Variants in MAG observed in about 807,000 individuals in gnomAD.
MAG encodes the protein myelin-associated glycoprotein.
In MAG, 30 loss-of-function variants were observed where a neutral mutation model predicts 60.7. That is an observed-to-expected ratio of 0.49 (90% CI 0.37 to 0.67). The LOEUF (loss-of-function observed/expected upper bound fraction) is 0.67. MAG is among the 30% of genes least tolerant of loss of function. MAG has a pLI of 0.00. For missense variants in MAG, 795 were observed against 851.7 expected (o/e 0.93, Z 0.83); for synonymous variants, 384 against 376.8 (o/e 1.02, Z -0.22).
In MAG at chr19:35,311,999, G is replaced by A. The variant is rs142544260; in HGVS notation, c.1698G>A (p.Gly566=). The A allele has an allele frequency of 6.6e-5, 106 of 1,612,604 alleles. No individual in the cohort carries two copies. The highest frequency in any genetic ancestry group is 8.6e-5 in the Non-Finnish European group (101 of 1,179,306). ...TCAGCAGCGACTTCCGCATCTCTGG[G>A]GCACCAGAGAAGTACGAGGTAAGGA... The part of the protein sequence containing the change: ...VLFSSDFRIS[G]APEKYESERR... The change falls in exon 10 of 11, where the codon GGG becomes GGA. Residue 566 remains glycine, a synonymous_variant. Transcript: ENST00000392213.
chr19:35,311,773 G>A, intron 9 of MAG, 145 bp from the exon 10 acceptor site: 1 of 632,834 alleles, frequency 1.6e-6, no homozygotes, highest in East Asian at 2.8e-5. Context: ...GTGTGGGTAG[G>A]AGAGGCTGGT....
intron 7 of MAG, among the ~76,000 whole-genome samples, chr19:35,304,139 C>G (rs2066467766): frequency 6.6e-6 from 1 of 152,184 alleles, no homozygotes; most frequent in African/African-American, 2.4e-5. Flanking sequence ...GGGGCAACCT[C>G]TCGTGGCAAA....
chr19:35,304,883 G>T (rs1318220134), intron 7 of MAG, among the ~76,000 whole-genome samples: 1 of 152,084 alleles, frequency 6.6e-6, no homozygotes, highest in Non-Finnish European at 1.5e-5. Flanking sequence ...GTGAAACAGG[G>T]GTGTGTTATA....
rs531785357 is a variant in MAG, at chr19:35,310,095, C to T, written c.1453C>T (p.Arg485Cys). 1 of 1,612,880 alleles carries T rather than the reference C, an allele frequency of 6.2e-7. No homozygotes were observed. Among genetic ancestry groups the T allele is most frequent in the Non-Finnish European group, 8.5e-7 (1 of 1,179,526 alleles). ...GCGGGGGCAGGCCCAGGCCCCGCCC[C>T]GCGTCATCTGCACCGCGAGGAACCT... ...TLRGQAQAPP[R>C]VICTARNLYG... The change falls in exon 8 of 11, where the codon CGC (arginine) becomes TGC (cysteine). Residue 485 changes from arginine to cysteine, a missense_variant. Coordinates refer to ENST00000392213, the MANE Select transcript of MAG (RefSeq NM_002361.4).
intron 2 of MAG, among the ~76,000 whole-genome samples, chr19:35,294,774 A>T (rs2066383489): frequency 6.6e-6 from 1 of 152,114 alleles, no homozygotes; most frequent in South Asian, 2.1e-4. Context: ...AAATAATAAT[A>T]ATAACCAAAT....
In MAG at chr19:35,311,959, A is replaced by G; in HGVS notation, c.1658A>G (p.Asn553Ser). ...TESPSFSAGD[N>S]PPVLFSSDFR... ...AGCCCCAGCTTCTCGGCAGGGGACA[A>G]CCCTCCCGTCCTGTTCAGCAGCGAC... Residue 553 changes from asparagine (N) to serine (S), a missense_variant, in exon 10 of 11, where the codon AAC becomes AGC. Transcript: ENST00000392213. 4 of 1,613,256 alleles carry G rather than the reference A, an allele frequency of 2.5e-6. No homozygotes were observed. Among genetic ancestry groups the G allele is most frequent in the Non-Finnish European group, 3.4e-6 (4 of 1,179,618 alleles).
Position 35,310,582 on chromosome 19 carries a change from G to A in MAG, c.1555G>A (p.Ala519Thr), listed in dbSNP as rs201344002. The stretch of plus-strand genomic sequence containing the variant: ...GTGGGCCAAGATCGGGCCTGTGGGC[G>A]CCGTGGTCGCCTTTGCCATCCTGAT... ...LMWAKIGPVGAVVAFAILIAI... is the reference protein window; with the variant it reads ...LMWAKIGPVGTVVAFAILIAI... The change falls in exon 9 of 11, where the codon GCC becomes ACC. Residue 519 changes from alanine (A) to threonine (T), a missense_variant. Physicochemically the swap from Ala to Thr is moderately conservative, Grantham distance 58 (BLOSUM62 0). Coordinates refer to ENST00000392213, the MANE Select transcript of MAG (RefSeq NM_002361.4). 4.3e-6 allele frequency: 7 copies of A among 1,614,128 alleles called. No individual in the cohort carries two copies. Among genetic ancestry groups the A allele is most frequent in the South Asian group, 2.2e-5 (2 of 91,082 alleles).
rs112677293 is a variant in MAG at position 35,293,468 on chromosome 19, C to T, written c.-79-767C>T. Among the ~76,000 whole-genome samples, 842 of 152,202 alleles carry T rather than the reference C, an allele frequency of 5.5e-3. 4 individuals are homozygous for T. Among genetic ancestry groups the T allele is most frequent in the Admixed American group, 9.2e-3 (141 of 15,292 alleles). ...TGGGTGTCTGTATGAGTCTCCGCTGCGTGTGCCTGCCCCTTCTGGCTGGGG... is the reference window on the plus strand; with the variant it reads ...TGGGTGTCTGTATGAGTCTCCGCTGTGTGTGCCTGCCCCTTCTGGCTGGGG... On this transcript the variant is annotated intron_variant, in intron 1 of 10. Coordinates refer to ENST00000392213, the MANE Select transcript of MAG (RefSeq NM_002361.4). This position sits in a 1 kb window ranked among gnomAD's most constrained non-coding sequence, Gnocchi z 4.0.
At chr19:35,297,196 ACACACACAC>A (rs1391036723) in intron 4 of MAG, among the ~76,000 whole-genome samples, 3 of 132,840 alleles carry the variant, frequency 2.3e-5, no homozygotes, top group African/African-American at 8.3e-5. Context: ...ACCACACACT[ACACACACAC>A]CACACACACC....
Position 35,295,439 on chromosome 19 carries a change from T to C in MAG, c.31T>C (p.Trp11Arg). The C allele has an allele frequency of 6.2e-7, 1 of 1,614,112 alleles. No individual in the cohort carries two copies. The change falls in exon 3 of 11, where the codon TGG becomes CGG. Residue 11 changes from tryptophan (W) to arginine (R), a missense_variant. Trp to Arg is a moderately radical substitution (Grantham distance 101). Transcript: ENST00000392213. The surrounding 1 kb of genome is among the most constrained non-coding windows in gnomAD (Gnocchi z 5.8). Reference sequence around the variant, plus strand: ...ATTCCTCACGGCACTGCCTCTGTTCTGGATTATGATTTCAGGTAACGGCTG... The same window carrying C: ...ATTCCTCACGGCACTGCCTCTGTTCCGGATTATGATTTCAGGTAACGGCTG... MIFLTALPLF[W>R]IMISASRGGH... is the part of the protein sequence containing the mutation.
At chr19:35,310,683 C>T (rs200514323) in intron 9 of MAG, 40 bp downstream of exon 9, 1 of 1,583,574 alleles carries the variant, frequency 6.3e-7, no homozygotes, top group South Asian at 1.1e-5. Context: ...TGGGAGTCTC[C>T]AAAAAGGGGA....
At chr19:35,300,906 A>AT (rs927256705) in intron 6 of MAG, among the ~76,000 whole-genome samples, 5 of 151,530 alleles carry the variant, frequency 3.3e-5, no homozygotes, top group Non-Finnish European at 5.9e-5. Context: ...TAATTTTCAG[A>AT]TTTTTTTTGT....
rs2066442403 is a variant in MAG, at chr19:35,300,657, T to TGCAGCTTCCTGGGG, written c.970+258_970+271dup. 2.6e-5 allele frequency among the ~76,000 whole-genome samples: 4 copies of TGCAGCTTCCTGGGG among 152,234 alleles called. No individual in the cohort carries two copies. The South Asian group carries it at 8.3e-4, about 31-fold the overall frequency. On this transcript the variant is annotated intron_variant, in intron 6 of 10. Coordinates refer to ENST00000392213, the MANE Select transcript of MAG (RefSeq NM_002361.4). ...CTGCCTCCTAGGGAAGCCTGTTAAC[T>TGCAGCTTCCTGGGG]GCAGCTTCCTGGGGGCAGTTCCTGG... is the stretch of plus-strand genomic sequence containing the variant.
chr19:35,297,706 CCAAA>C (rs775498580), intron 4 of MAG, among the ~76,000 whole-genome samples: 36 of 146,024 alleles, frequency 2.5e-4, no homozygotes, highest in Non-Finnish European at 5.0e-4. Context: ...TACCCACACA[CCAAA>C]CACACACTAC....
chr19:35,300,485 T>C, intron 6 of MAG, 81 bp downstream of exon 6: 1 of 1,475,900 alleles, frequency 6.8e-7, no homozygotes, highest in South Asian at 1.4e-5. Flanking sequence ...AGGGCGAGCA[T>C]GGGCTGGGTC....
At chr19:35,310,202 C>G in intron 8 of MAG, 41 bp downstream of exon 8, 1 of 1,571,694 alleles carries the variant, frequency 6.4e-7, no homozygotes, top group Admixed American at 1.7e-5. Flanking sequence ...CAGGAGGGAG[C>G]GGGCACGTCT....
Position 35,312,029 on chromosome 19 carries a change from G to C in MAG, c.1716+12G>C, listed in dbSNP as rs772336871. On this transcript the variant is annotated intron_variant, in intron 10 of 10. Transcript: ENST00000392213. ...CAGAGAAGTACGAGGTAAGGACCAG[G>C]CTCCAGGCTGGCCTGGGAACCTGGA... 5 of 1,608,446 alleles carry C rather than the reference G, an allele frequency of 3.1e-6. No individual in the cohort carries two copies. Among genetic ancestry groups the C allele is most frequent in the Admixed American group, 3.4e-5 (2 of 59,314 alleles).
intron 7 of MAG, among the ~76,000 whole-genome samples, chr19:35,304,984 C>T (rs1267853616): frequency 6.6e-6 from 1 of 152,218 alleles, no homozygotes; most frequent in African/African-American, 2.4e-5. Context: ...TAATTCCAGA[C>T]TCCTGTCTGC....
chr19:35,296,066 C>T, intron 4 of MAG, 85 bp downstream of exon 4: 1 of 1,491,564 alleles, frequency 6.7e-7, no homozygotes, highest in Non-Finnish European at 8.9e-7. Context: ...CCCGCACCTT[C>T]CCCAGCAGGC....
Sources: gnomAD v4.1 joint callset for allele counts (sites outside exome capture counted in the v4.1 genomes callset) on GRCh38, gnomAD v4.1.1 for gene constraint, Gnocchi (gnomAD v3.1) non-coding constraint, MANE v1.5 for transcripts, NCBI Gene and HGNC (gene_info 2026-07-23, HGNC 2026-07-21) for gene names.